Variants in SPICE1 observed in about 807,000 individuals in gnomAD.
SPICE1 encodes spindle and centriole associated protein 1.
In SPICE1, 75 loss-of-function variants were observed where a neutral mutation model predicts 102.7. The observed-to-expected ratio is 0.73, with a 90% CI of 0.61 to 0.88. The LOEUF (loss-of-function observed/expected upper bound fraction) is 0.88. Among genes scored for constraint, SPICE1 ranks in the 40% least tolerant of loss-of-function variants. The pLI, the probability that SPICE1 is intolerant of heterozygous loss-of-function variation, is 0.00. For synonymous variants in SPICE1, 308 were observed against 350.3 expected (o/e 0.88, Z 1.35); for missense variants, 979 against 1,020.1 (o/e 0.96, Z 0.55).
chr3:113,455,680 G>C (rs1295992615), intron 13 of SPICE1, among the ~76,000 whole-genome samples: 1 of 152,104 alleles, frequency 6.6e-6, no homozygotes, highest in African/African-American at 2.4e-5. Flanking sequence ...CTTTATATGT[G>C]AGTATTCCAA....
rs148325665 is a variant in SPICE1 at position 113,480,912 on chromosome 3, T to TAAAGAAAGAAAGAAAAAGAAAG, written c.611+8032_611+8033insCTTTCTTTTTCTTTCTTTCTTT. Among the ~76,000 whole-genome samples the TAAAGAAAGAAAGAAAAAGAAAG allele has an allele frequency of 3.8e-5, 4 of 106,504 alleles. No individual in the cohort carries two copies. In the East Asian group the frequency reaches 1.4e-3, roughly 38 times the overall value. The allele number at this position is 106,504 out of a possible 152,430, so 69.9% of individuals were successfully genotyped here. On this transcript the variant is annotated intron_variant, in intron 7 of 17. Coordinates refer to ENST00000295872, the MANE Select transcript of SPICE1 (RefSeq NM_144718.4). The stretch of plus-strand genomic sequence containing the variant: ...AAAAATAACAATGATTTTAAAAATT[T>TAAAGAAAGAAAGAAAAAGAAAG]AAAGAAAGAAAGAAAGAAAAAAGAC...
At chr3:113,492,173 G>A (rs1001363312) in intron 6 of SPICE1, among the ~76,000 whole-genome samples, 106 of 152,218 alleles carry the variant, frequency 7.0e-4, no homozygotes, top group African/African-American at 2.3e-3. Context: ...GGTTTTTGCC[G>A]GAAATATGGT....
chr3:113,449,339 A>C (rs1049192342), intron 15 of SPICE1: 2 of 152,158 alleles, frequency 1.3e-5, no homozygotes, highest in Non-Finnish European at 2.9e-5. Context: ...CACATAGTAC[A>C]TGTTCGCACA....
At position 113,468,308 on chromosome 3, in the gene SPICE1, G is replaced by A. The variant is rs1241223613; in HGVS notation, c.986C>T (p.Ser329Phe). 60 of 1,614,128 alleles carry A rather than the reference G, an allele frequency of 3.7e-5. No homozygotes were observed. Among genetic ancestry groups the A allele is most frequent in the Non-Finnish European group, 4.9e-5 (58 of 1,180,040 alleles). ...TSADLPNRTN[S>F]NLDVLKHMIH... ...CATGTGTTTGAGGACATCCAGGTTG[G>A]AATTAGTCCTATTTGGTAAGTCTGC... The change falls in exon 10 of 18, where the codon TCC (serine) becomes TTC (phenylalanine). Residue 329 changes from serine (S) to phenylalanine (F), a missense_variant. By Grantham distance (155) the Ser-to-Phe change is radical. Coordinates refer to ENST00000295872, the MANE Select transcript of SPICE1 (RefSeq NM_144718.4).
intron 4 of SPICE1, among the ~76,000 whole-genome samples, chr3:113,494,588 A>C (rs1383157690): frequency 6.6e-6 from 1 of 151,082 alleles, no homozygotes; most frequent in African/African-American, 2.4e-5. Context: ...CGGAGCTTGC[A>C]GTGAGCCGAG....
chr3:113,457,824 A>C (rs1337876478), intron 12 of SPICE1, among the ~76,000 whole-genome samples: 1 of 152,120 alleles, frequency 6.6e-6, no homozygotes, highest in Non-Finnish European at 1.5e-5. Flanking sequence ...ACACCCAGCT[A>C]ATTTTTTGTA....
chr3:113,479,134 C>T (rs1310757981), intron 7 of SPICE1, among the ~76,000 whole-genome samples: 2 of 120,002 alleles, frequency 1.7e-5, no homozygotes, highest in African/African-American at 3.1e-5. Flanking sequence ...CCACCCCCCA[C>T]CCCACAACAG....
At chr3:113,450,295 C>T in intron 15 of SPICE1, 41 bp downstream of exon 15, 1 of 1,607,448 alleles carries the variant, frequency 6.2e-7, no homozygotes, top group Non-Finnish European at 8.5e-7. Flanking sequence ...AACTGAAAAC[C>T]TTCATATTTC....
chr3:113,493,075 T>A, intron 6 of SPICE1, 131 bp downstream of exon 6: 1 of 644,012 alleles, frequency 1.6e-6, no homozygotes. Context: ...TGCAATACAC[T>A]TAAGAGCAAA....
intron 7 of SPICE1, among the ~76,000 whole-genome samples, chr3:113,485,571 G>A (rs955741268): frequency 6.6e-6 from 1 of 152,144 alleles, no homozygotes; most frequent in African/African-American, 2.4e-5. Context: ...AAAAGCAGCA[G>A]CCCCAGTCAG....
intron 7 of SPICE1, among the ~76,000 whole-genome samples, chr3:113,470,883 A>C (rs929898142): frequency 6.6e-6 from 1 of 152,244 alleles, no homozygotes; most frequent in Non-Finnish European, 1.5e-5. Flanking sequence ...GGAAATGTCT[A>C]TAACTTTCAT....
chr3:113,459,934 G>A (rs1935887250), intron 12 of SPICE1: 1 of 983,722 alleles, frequency 1.0e-6, no homozygotes, highest in Non-Finnish European at 1.2e-6. Context: ...ACAGAGATGT[G>A]CCCTAGCCAA....
chr3:113,459,969 T>C, intron 12 of SPICE1: 1 of 985,068 alleles, frequency 1.0e-6, no homozygotes, highest in South Asian at 4.7e-5. Flanking sequence ...GCAAGTTAAA[T>C]TTTGGTCAGC....
At position 113,506,607 on chromosome 3, in the gene SPICE1, T is replaced by C. The variant is rs779961539; in HGVS notation, c.1-2A>G. On this transcript the variant is annotated splice_acceptor_variant, in intron 1 of 17. Coordinates refer to ENST00000295872, the MANE Select transcript of SPICE1 (RefSeq NM_144718.4). LOFTEE classifies it low-confidence loss of function (5UTR_SPLICE). ...GCGGTTCACTCTGACAAATGACATC[T>C]AGGAATAATAATCACATCAAATTTT... is the stretch of plus-strand genomic sequence containing the variant. The C allele has an allele frequency of 1.9e-6, 3 of 1,609,470 alleles. No individual in the cohort carries two copies. Among genetic ancestry groups the C allele is most frequent in the East Asian group, 2.2e-5 (1 of 44,852 alleles).
At chr3:113,489,228 T>A (rs1306076685) in intron 6 of SPICE1, among the ~76,000 whole-genome samples, 165 bp from the exon 7 acceptor site, 2 of 152,094 alleles carry the variant, frequency 1.3e-5, no homozygotes, top group Non-Finnish European at 2.9e-5. Flanking sequence ...AATTATCCTA[T>A]CTCTCTACCA....
In SPICE1 at chr3:113,468,332, G is replaced by A. The variant is rs757151772; in HGVS notation, c.962C>T (p.Ala321Val). The change falls in exon 10 of 18, where the codon GCA (alanine) becomes GTA (valine). Residue 321 changes from alanine to valine, a missense_variant. Transcript: ENST00000295872. ...GGAATTAGTCCTATTTGGTAAGTCTGCAGAGGTTGTGCTACCTGATGATAT... is the reference window on the plus strand; with the variant it reads ...GGAATTAGTCCTATTTGGTAAGTCTACAGAGGTTGTGCTACCTGATGATAT... ...KNISSGSTTS[A>V]DLPNRTNSNL... The A allele has an allele frequency of 1.2e-6, 2 of 1,614,182 alleles. No individual in the cohort carries two copies. The highest frequency in any genetic ancestry group is 2.2e-5 in the South Asian group (2 of 91,084).
intron 3 of SPICE1, among the ~76,000 whole-genome samples, chr3:113,502,458 A>G (rs77733309): frequency 0.025 from 3,873 of 152,324 alleles, 67 homozygotes; most frequent in East Asian, 0.068. Context: ...AGCACAAAGT[A>G]CATTGGTCAT....
At chr3:113,446,188 A>C (rs1935508581) in intron 17 of SPICE1, among the ~76,000 whole-genome samples, 1 of 152,196 alleles carries the variant, frequency 6.6e-6, no homozygotes, top group East Asian at 1.9e-4. Context: ...GGATAAAATG[A>C]GAGGAAAAGT....
chr3:113,474,126 G>C (rs1449415231), intron 7 of SPICE1, among the ~76,000 whole-genome samples: 75 of 151,160 alleles, frequency 5.0e-4, no homozygotes. Context: ...AAAAAGGCAG[G>C]GGTTGCAATC....
Sources: gnomAD v4.1 joint callset for allele counts (sites outside exome capture counted in the v4.1 genomes callset) on GRCh38, gnomAD v4.1.1 for gene constraint, MANE v1.5 for transcripts, NCBI Gene and HGNC (gene_info 2026-07-23, HGNC 2026-07-21) for gene names.